Variants in SSBP3 observed in about 807,000 individuals in gnomAD.
SSBP3 encodes the protein single-stranded DNA-binding protein 3.
Under a neutral mutation model 69.6 loss-of-function variants are expected in SSBP3, and 5 were observed. That is an observed-to-expected ratio of 0.07 (90% CI 0.04 to 0.15). The LOEUF is 0.15. Among genes scored for constraint, SSBP3 ranks in the 10% least tolerant of loss-of-function variants. The probability of loss-of-function intolerance (pLI) is 1.00; values close to 1 mark genes in which losing one functional copy is unlikely to be tolerated. For missense variants in SSBP3, 312 were observed against 534.0 expected (o/e 0.58, Z 4.10); for synonymous variants, 196 against 193.4 (o/e 1.01, Z -0.11).
chr1:54,362,926 G>A (rs754145315), intron 4 of SSBP3, among the ~76,000 whole-genome samples: 24 of 152,084 alleles, frequency 1.6e-4, no homozygotes, highest in Non-Finnish European at 3.2e-4. Flanking sequence ...CAATCTGACT[G>A]GATGGAGGCC....
chr1:54,227,182 G>GA (rs1553120679), intron 17 of SSBP3, 22 bp from the exon 18 acceptor site: 58 of 626,140 alleles, frequency 9.3e-5, no homozygotes, highest in Admixed American at 1.6e-4. Flanking sequence ...AAGCAGAGAA[G>GA]GGGGGGGGGT....
chr1:54,251,971 A>G (rs961078418), intron 7 of SSBP3, 111 bp from the exon 8 acceptor site: 10 of 901,002 alleles, frequency 1.1e-5, no homozygotes, highest in African/African-American at 1.6e-5. Context: ...GGAGCCACTC[A>G]TGGCCTCCCT....
chr1:54,363,048 C>T (rs528241619), intron 4 of SSBP3, among the ~76,000 whole-genome samples: 16 of 152,196 alleles, frequency 1.1e-4, no homozygotes, highest in Admixed American at 9.8e-4. Context: ...GCAGTCCTCC[C>T]AGCCTCCATC....
At chr1:54,240,150 C>A (rs1372295594) in intron 13 of SSBP3, among the ~76,000 whole-genome samples, 1 of 149,258 alleles carries the variant, frequency 6.7e-6, no homozygotes, top group African/African-American at 2.5e-5. Context: ...TGCACGCATG[C>A]CCTCTTTTGT....
chr1:54,245,771 A>G (rs1373804598), intron 9 of SSBP3, among the ~76,000 whole-genome samples: 1 of 152,244 alleles, frequency 6.6e-6, no homozygotes, highest in Non-Finnish European at 1.5e-5. Flanking sequence ...CACAGGGTGA[A>G]GAGCAGAACT....
chr1:54,293,322 C>A (rs1206833352), intron 4 of SSBP3, among the ~76,000 whole-genome samples: 3 of 152,062 alleles, frequency 2.0e-5, no homozygotes, highest in African/African-American at 7.2e-5. Flanking sequence ...GGCACGCGGG[C>A]TGGTCAGAGG....
intron 14 of SSBP3, chr1:54,238,020 C>T (rs1269523867): frequency 2.5e-6 from 1 of 394,848 alleles, no homozygotes; most frequent in Non-Finnish European, 5.3e-6. Flanking sequence ...CAACCTTCTG[C>T]ATCACTGACA....
chr1:54,312,291 TAA>T (rs566877875), intron 4 of SSBP3, among the ~76,000 whole-genome samples: 18 of 139,230 alleles, frequency 1.3e-4, no homozygotes, highest in Non-Finnish European at 1.1e-4. Flanking sequence ...ACTCTCTCTT[TAA>T]AAAAAAAAAA....
chr1:54,275,330 C>T (rs958632093), intron 5 of SSBP3, among the ~76,000 whole-genome samples: 2 of 152,232 alleles, frequency 1.3e-5, no homozygotes, highest in African/African-American at 4.8e-5. Context: ...TAACAGGCTT[C>T]GGAAACCAAA....
intron 7 of SSBP3, among the ~76,000 whole-genome samples, chr1:54,255,328 C>G (rs540857178): frequency 3.3e-5 from 5 of 152,162 alleles, no homozygotes; most frequent in African/African-American, 1.2e-4. Flanking sequence ...AGGGCCACCA[C>G]AATTATGATA....
At chr1:54,324,201 T>TC (rs1646262090) in intron 4 of SSBP3, among the ~76,000 whole-genome samples, 1 of 152,134 alleles carries the variant, frequency 6.6e-6, no homozygotes, top group African/African-American at 2.4e-5. Context: ...GAGAAAGCCT[T>TC]CCGGCCACAG....
chr1:54,235,283 T>TTC (rs2100594857), intron 14 of SSBP3, among the ~76,000 whole-genome samples: 1 of 70,500 alleles, frequency 1.4e-5, no homozygotes, highest in East Asian at 3.0e-4. Context: ...GTTTTTTTTT[T>TTC]TTTTTTTTTT....
chr1:54,405,961 A>G (rs759268949), exon 1 of SSBP3: 7 of 1,439,158 alleles, frequency 4.9e-6, no homozygotes, highest in Non-Finnish European at 6.5e-6. Context: ...ACTTTTCCCG[A>G]GCCTGCCCAT....
At chr1:54,239,313 A>C in intron 13 of SSBP3, 114 bp from the exon 14 acceptor site, 4 of 772,360 alleles carry the variant, frequency 5.2e-6, no homozygotes, top group Non-Finnish European at 2.1e-6. Flanking sequence ...ATTTCCTCTA[A>C]GTACCACCAT....
At chr1:54,353,292 G>C (rs1387486693) in intron 4 of SSBP3, among the ~76,000 whole-genome samples, 1 of 152,184 alleles carries the variant, frequency 6.6e-6, no homozygotes, top group African/African-American at 2.4e-5. Context: ...CATTGCGAGG[G>C]GAAAAACTGC....
chr1:54,307,596 C>T lies in SSBP3; in HGVS notation c.277-26069G>A, dbSNP rs576989685. Among the ~76,000 whole-genome samples the T allele has an allele frequency of 1.8e-3, 275 of 152,296 alleles. 2 individuals are homozygous for T. Among genetic ancestry groups the T allele is most frequent in the Non-Finnish European group, 3.2e-3 (217 of 68,028 alleles). Reference sequence around the variant, plus strand: ...GAGCTGGGTAAGATGAGGCTGAAACCTACTGAGCTGCATTCTAAGTCACAG... The same window carrying T: ...GAGCTGGGTAAGATGAGGCTGAAACTTACTGAGCTGCATTCTAAGTCACAG... On this transcript the variant is annotated intron_variant, in intron 4 of 17. Coordinates refer to ENST00000610401, the Ensembl canonical transcript of SSBP3.
intron 5 of SSBP3, 123 bp downstream of exon 5, chr1:54,281,315 T>C (rs1386224027): frequency 1.4e-6 from 1 of 730,666 alleles, no homozygotes; most frequent in African/African-American, 1.8e-5. Flanking sequence ...TGAACCAGCA[T>C]AAAGCAACTG....
chr1:54,233,360 G>A (rs1335878440), intron 14 of SSBP3, among the ~76,000 whole-genome samples: 7 of 149,874 alleles, frequency 4.7e-5, no homozygotes, highest in Non-Finnish European at 7.4e-5. Context: ...CCCCGTCTGA[G>A]AAGTGAGGAG....
chr1:54,389,538 G>A (rs1570026186), intron 4 of SSBP3, among the ~76,000 whole-genome samples: 2 of 151,746 alleles, frequency 1.3e-5, no homozygotes, highest in East Asian at 1.9e-4. Flanking sequence ...GCTGGGCAGG[G>A]GGTCATCAAT....
Sources: allele counts gnomAD v4.1 joint callset (sites outside exome capture counted in the v4.1 genomes callset), GRCh38; gene constraint gnomAD v4.1.1; transcripts MANE v1.5; gene names NCBI Gene and HGNC (gene_info 2026-07-23, HGNC 2026-07-21).